The following MED14 variants were observed in gnomAD, a reference collection of about 807,000 sequenced individuals.
MED14 encodes mediator of RNA polymerase II transcription subunit 14.
Under a neutral mutation model 109.0 loss-of-function variants are expected in MED14, and 8 were observed. That is an observed-to-expected ratio of 0.07 (90% confidence interval 0.04 to 0.13). The LOEUF (loss-of-function observed/expected upper bound fraction) is 0.13, where lower values mean the gene tolerates loss of function less well. MED14 is among the 10% of genes least tolerant of loss of function. The pLI is 1.00. For missense variants in MED14, 711 were observed against 1,142.4 expected (o/e 0.62, Z 5.44); for synonymous variants, 399 against 408.7 (o/e 0.98, Z 0.29).
chrX:40,704,206 A>G (rs1362847543), intron 10 of MED14, among the ~76,000 whole-genome samples: 1 of 112,294 alleles, frequency 8.9e-6, no homozygotes, highest in East Asian at 2.8e-4. Flanking sequence ...CTAGAGTTTC[A>G]CAGTATTTCC....
At chrX:40,696,284 G>A (rs749135207) in intron 13 of MED14, among the ~76,000 whole-genome samples, 19 of 108,704 alleles carry the variant, frequency 1.7e-4, no homozygotes, top group African/African-American at 5.4e-4. Flanking sequence ...ACAGGCGCCC[G>A]CCACCACGCC....
chrX:40,686,779 A>C (rs1290843062), intron 16 of MED14, among the ~76,000 whole-genome samples: 2 of 112,144 alleles, frequency 1.8e-5, no homozygotes, highest in Non-Finnish European at 1.9e-5. Flanking sequence ...TATATCATTA[A>C]GCAACATCTG....
At chrX:40,709,501 C>T (rs1463535103) in intron 9 of MED14, 42 bp from the exon 10 acceptor site, 4 of 706,516 alleles carry the variant, frequency 5.7e-6, no homozygotes, top group Non-Finnish European at 8.2e-6. Context: ...GCAATTTAAA[C>T]ATTTTTACTT....
intron 3 of MED14, among the ~76,000 whole-genome samples, chrX:40,716,414 G>C (rs756346681): frequency 1.8e-5 from 2 of 110,269 alleles, no homozygotes; most frequent in East Asian, 5.6e-4. Flanking sequence ...ACAACATAGG[G>C]AGACCCTGTC....
At chrX:40,661,141 G>C (rs1929252301) in intron 26 of MED14, among the ~76,000 whole-genome samples, 1 of 110,212 alleles carries the variant, frequency 9.1e-6, no homozygotes, top group Non-Finnish European at 1.9e-5. Context: ...GAGTGCAGTG[G>C]CACGATCTCG....
chrX:40,732,240 T>G (rs1364128943), intron 1 of MED14, among the ~76,000 whole-genome samples: 1 of 112,800 alleles, frequency 8.9e-6, no homozygotes, highest in East Asian at 2.8e-4. Flanking sequence ...GTTTGGAGGC[T>G]GGGCACAGCG....
At chrX:40,683,053 A>C in intron 16 of MED14, 57 bp from the exon 17 acceptor site, 2 of 986,055 alleles carry the variant, frequency 2.0e-6, no homozygotes, top group Non-Finnish European at 2.8e-6. Context: ...CACAATGTAC[A>C]CAATGACAGA....
At chrX:40,706,324 T>G (rs1931140581) in intron 10 of MED14, among the ~76,000 whole-genome samples, 1 of 111,623 alleles carries the variant, frequency 9.0e-6, no homozygotes, top group African/African-American at 3.3e-5. Context: ...CTAGCAGTCC[T>G]CATTTCTAGA....
chrX:40,669,707 C>T (rs1362086877), intron 23 of MED14, among the ~76,000 whole-genome samples: 1 of 111,839 alleles, frequency 8.9e-6, no homozygotes, highest in East Asian at 2.8e-4. Flanking sequence ...AGCGCCCTGT[C>T]TCTCCATACA....
Position 40,731,424 on chromosome X carries a change from C to T in MED14, c.216-2079G>A, listed in dbSNP as rs181620831. On this transcript the variant is annotated intron_variant, in intron 1 of 30. Transcript: ENST00000324817. Reference sequence around the variant, plus strand: ...CTCTACATTAACATATTAATCCTGACAGTTTTTAGGGAAAATACACTATTT... The same window carrying T: ...CTCTACATTAACATATTAATCCTGATAGTTTTTAGGGAAAATACACTATTT... Among the ~76,000 whole-genome samples, 5 of 111,566 alleles carry T rather than the reference C, an allele frequency of 4.5e-5. No homozygotes were observed. The East Asian group carries it at 1.4e-3, about 31-fold the overall frequency.
At chrX:40,665,719 G>A (rs1409581048) in intron 24 of MED14, among the ~76,000 whole-genome samples, 2 of 112,253 alleles carry the variant, frequency 1.8e-5, no homozygotes, top group African/African-American at 6.5e-5. Context: ...ATGATGGCAT[G>A]GGAAATGGTA....
At position 40,650,580 on chromosome X, in the gene MED14, A is replaced by T; in HGVS notation, c.*1226T>A. 1.3e-6 allele frequency: 1 copy of T among 752,307 alleles called. No homozygotes were observed. The highest frequency in any genetic ancestry group is 1.6e-6 in the Non-Finnish European group (1 of 639,041). The allele number at this position is 752,307 out of a possible 1,213,427, so 62.0% of individuals were successfully genotyped here. ...GACCATGTTCTTTGAAGCTTAAAAA[A>T]GTCCCTGACTGACTAGGAAAGACAG... On this transcript the variant is annotated 3_prime_UTR_variant, in exon 31 of 31. Transcript: ENST00000324817.
intron 15 of MED14, among the ~76,000 whole-genome samples, chrX:40,690,812 T>A (rs1195960390): frequency 2.7e-5 from 3 of 112,293 alleles, no homozygotes; most frequent in African/African-American, 9.7e-5. Context: ...AACAGCAGAT[T>A]TGAGTAGCTA....
intron 7 of MED14, among the ~76,000 whole-genome samples, chrX:40,711,631 G>C (rs907571551): frequency 9.2e-6 from 1 of 108,678 alleles, no homozygotes; most frequent in African/African-American, 3.4e-5. Context: ...TTATTATTTT[G>C]TGTGTGTGTG....
rs762995037 is a variant in MED14, at chrX:40,682,922, C to T, written c.2132G>A (p.Arg711Gln). 5.0e-6 allele frequency: 6 copies of T among 1,211,307 alleles called. No homozygotes were observed. Among genetic ancestry groups the T allele is most frequent in the Non-Finnish European group, 6.7e-6 (6 of 895,053 alleles). ...AGTGCGGTTATTTCTACCTTGTAAT[C>T]GGAAAGTGCAATCAAGAAGAGAGCG... ...LDRSLLDCTFRLQGRNNRTWV... is the reference protein window; with the variant it reads ...LDRSLLDCTFQLQGRNNRTWV... The change falls in exon 17 of 31, where the codon CGA becomes CAA. Residue 711 changes from arginine to glutamine, a missense_variant. Arg to Gln is a conservative substitution (Grantham distance 43, BLOSUM62 1). Around this residue, in one of 8 missense-constraint regions of MED14, gnomAD observed 388 missense variants for 517.3 expected, o/e 0.75. Transcript: ENST00000324817.
intron 28 of MED14, among the ~76,000 whole-genome samples, chrX:40,657,621 T>G (rs1569277981): frequency 1.8e-5 from 2 of 111,821 alleles, no homozygotes; most frequent in Non-Finnish European, 3.8e-5. Context: ...CTTGCCATAA[T>G]TTGTTGTGGC....
upstream of MED14, chrX:40,735,577 T>G (rs917274977): frequency 2.4e-5 from 13 of 544,642 alleles, no homozygotes; most frequent in East Asian, 2.6e-4. Context: ...CCCGCCCCCA[T>G]GTAGCGAGAA....
intron 24 of MED14, among the ~76,000 whole-genome samples, chrX:40,665,765 C>G (rs972446552): frequency 4.5e-5 from 5 of 111,911 alleles, no homozygotes; most frequent in African/African-American, 1.6e-4. Flanking sequence ...GTTTCGAAAG[C>G]TTTAGAATTT....
rs187553855 is a variant in MED14, at chrX:40,699,887, T to C, written c.1490+1278A>G. ...TGCGCTGGGCACGGTGGCTCACGCC[T>C]GTAATCCCAGTACTTTGGGAGGCCA... On this transcript the variant is annotated intron_variant, in intron 12 of 30. Coordinates refer to ENST00000324817, the MANE Select transcript of MED14 (RefSeq NM_004229.4). 1.2e-4 allele frequency among the ~76,000 whole-genome samples: 13 copies of C among 112,026 alleles called. 1 individual carries two copies. The East Asian group carries it at 3.7e-3, about 32-fold the overall frequency.
Sources: allele counts gnomAD v4.1 joint callset (sites outside exome capture counted in the v4.1 genomes callset), GRCh38; gene constraint gnomAD v4.1.1; regional missense constraint gnomAD v4.1.1; transcripts MANE v1.5; gene names NCBI Gene and HGNC (gene_info 2026-07-23, HGNC 2026-07-21).